Variants in CRPPA observed in about 807,000 individuals in gnomAD.
CRPPA encodes D-ribitol-5-phosphate cytidylyltransferase.
Under a neutral mutation model 52.0 loss-of-function variants are expected in CRPPA, and 43 were observed. The ratio of observed to expected loss-of-function variants is 0.83; its 90% CI spans 0.65 to 1.07. The LOEUF is 1.07. Ranked by LOEUF, CRPPA falls within the 50% of genes least tolerant of loss-of-function variation. The pLI is 0.00. For missense variants in CRPPA, 629 were observed against 551.7 expected (o/e 1.14, Z -1.40); for synonymous variants, 250 against 203.5 (o/e 1.23, Z -1.94).
chr7:16,397,866 C>A (rs913550198), intron 2 of CRPPA, among the ~76,000 whole-genome samples: 11 of 152,210 alleles, frequency 7.2e-5, no homozygotes, highest in Non-Finnish European at 1.6e-4. Context: ...GTGATCAACA[C>A]GTGTGTAACA....
intron 9 of CRPPA, among the ~76,000 whole-genome samples, chr7:16,151,221 T>C (rs1324752247): frequency 6.6e-6 from 1 of 152,192 alleles, no homozygotes; most frequent in East Asian, 1.9e-4. Flanking sequence ...TATTCATTAG[T>C]GTGTTGCCTC....
intron 8 of CRPPA, among the ~76,000 whole-genome samples, chr7:16,217,344 GAC>G (rs1782357912): frequency 1.3e-5 from 2 of 151,932 alleles, no homozygotes; most frequent in African/African-American, 4.8e-5. Flanking sequence ...ATGGGGAAAA[GAC>G]AGAACAGAAA....
At chr7:16,095,869 T>A (rs946968766) in intron 9 of CRPPA, among the ~76,000 whole-genome samples, 1 of 152,188 alleles carries the variant, frequency 6.6e-6, no homozygotes, top group African/African-American at 2.4e-5. Context: ...AGCTCCTAAC[T>A]GTGCATGCCC....
At chr7:16,286,438 G>A (rs1209862116) in intron 5 of CRPPA, among the ~76,000 whole-genome samples, 2 of 151,850 alleles carry the variant, frequency 1.3e-5, no homozygotes, top group African/African-American at 4.8e-5. Context: ...TTTCTCTGTA[G>A]AACTTACACG....
rs117801803 is a variant in CRPPA, at chr7:16,197,150, G to A, written c.1251+18916C>T. Among the ~76,000 whole-genome samples the A allele has an allele frequency of 1.7e-4, 26 of 152,200 alleles. No homozygotes were observed. The East Asian group carries it at 4.7e-3, about 27-fold the overall frequency. Reference sequence around the variant, plus strand: ...ATGCTGGAGGGCAAGAAGGAAAACCGAGTTATGAAACCAAGCCACACACCT... The same window carrying A: ...ATGCTGGAGGGCAAGAAGGAAAACCAAGTTATGAAACCAAGCCACACACCT... On this transcript the variant is annotated intron_variant, in intron 9 of 9. Coordinates refer to ENST00000407010, the MANE Select transcript of CRPPA (RefSeq NM_001101426.4).
intron 3 of CRPPA, among the ~76,000 whole-genome samples, chr7:16,370,005 G>A (rs2128310941): frequency 6.6e-6 from 1 of 152,332 alleles, no homozygotes; most frequent in Admixed American, 6.5e-5. Context: ...ACTGGATTTA[G>A]GGAGTGGTGT....
chr7:16,224,161 A>G (rs1782591339), intron 8 of CRPPA, among the ~76,000 whole-genome samples: 3 of 152,102 alleles, frequency 2.0e-5, no homozygotes, highest in African/African-American at 7.2e-5. Flanking sequence ...GTGTTTGGAA[A>G]AGGCTCCTCT....
intron 3 of CRPPA, among the ~76,000 whole-genome samples, chr7:16,373,249 CTG>C (rs1472767256): frequency 1.3e-5 from 2 of 151,960 alleles, no homozygotes; most frequent in Non-Finnish European, 2.9e-5. Flanking sequence ...TGAGCCAAGA[CTG>C]TACCATTGCA....
intron 9 of CRPPA, among the ~76,000 whole-genome samples, chr7:16,101,623 CT>C (rs1293541277): frequency 6.6e-6 from 1 of 151,622 alleles, no homozygotes; most frequent in Non-Finnish European, 1.5e-5. Context: ...TGAGCAAAGT[CT>C]CGGGATAGAA....
intron 9 of CRPPA, among the ~76,000 whole-genome samples, chr7:16,118,659 A>C (rs1010556981): frequency 1.7e-4 from 26 of 152,178 alleles, no homozygotes; most frequent in African/African-American, 6.3e-4. Flanking sequence ...TTGATAGTTA[A>C]GATGAATTCA....
At chr7:16,240,809 A>G (rs942136493) in intron 8 of CRPPA, among the ~76,000 whole-genome samples, 14 of 152,166 alleles carry the variant, frequency 9.2e-5, no homozygotes, top group African/African-American at 3.4e-4. Flanking sequence ...TGAGAAAGAT[A>G]TGTCTGGGAT....
At chr7:16,288,892 A>G (rs1784503311) in intron 5 of CRPPA, among the ~76,000 whole-genome samples, 1 of 150,998 alleles carries the variant, frequency 6.6e-6, no homozygotes, top group Admixed American at 6.6e-5. Flanking sequence ...AAAAACAAAA[A>G]CAAACCAAAA....
chr7:16,119,084 T>G (rs570826126), intron 9 of CRPPA, among the ~76,000 whole-genome samples: 25 of 152,250 alleles, frequency 1.6e-4, no homozygotes, highest in African/African-American at 5.5e-4. Flanking sequence ...AGCTCCATGC[T>G]CATTCCTGTC....
intron 5 of CRPPA, 136 bp from the exon 6 acceptor site, chr7:16,278,362 G>A: frequency 1.7e-6 from 1 of 603,850 alleles, no homozygotes; most frequent in East Asian, 2.8e-5. Context: ...GCCAAGTGGA[G>A]TAATCTGTGT....
chr7:16,419,321 T>C (rs1788272238), intron 1 of CRPPA, among the ~76,000 whole-genome samples: 1 of 152,104 alleles, frequency 6.6e-6, no homozygotes, highest in African/African-American at 2.4e-5. Flanking sequence ...GAAAGATCAG[T>C]CCTAACTAAC....
chr7:16,389,900 C>G (rs1375116896), intron 2 of CRPPA, among the ~76,000 whole-genome samples: 3 of 37,002 alleles, frequency 8.1e-5, no homozygotes, highest in Non-Finnish European at 1.4e-4. Flanking sequence ...ATACAGAGAA[C>G]AAGCCTAGTA....
intron 4 of CRPPA, among the ~76,000 whole-genome samples, chr7:16,305,461 T>A (rs1784887712): frequency 6.6e-6 from 1 of 152,164 alleles, no homozygotes; most frequent in South Asian, 2.1e-4. Context: ...TTCCATTCCA[T>A]GTGGAAAGTG....
intron 2 of CRPPA, among the ~76,000 whole-genome samples, chr7:16,389,999 T>C (rs1787402676): frequency 8.0e-6 from 1 of 124,818 alleles, no homozygotes; most frequent in Non-Finnish European, 1.6e-5. Flanking sequence ...AATCCAAAAA[T>C]GAAATTTAAA....
chr7:16,354,936 A>C (rs1002473070), intron 3 of CRPPA, among the ~76,000 whole-genome samples: 22 of 152,190 alleles, frequency 1.4e-4, no homozygotes, highest in African/African-American at 5.3e-4. Context: ...ACACAAATAA[A>C]GGTAGACAAT....
Sources: gnomAD v4.1 joint callset for allele counts (sites outside exome capture counted in the v4.1 genomes callset) on GRCh38, gnomAD v4.1.1 for gene constraint, MANE v1.5 for transcripts, NCBI Gene and HGNC (gene_info 2026-07-23, HGNC 2026-07-21) for gene names.